Variants in PCDHGB4 observed in about 807,000 individuals in gnomAD.
PCDHGB4 encodes protocadherin gamma-B4.
In PCDHGB4, 38 loss-of-function variants were observed where a neutral mutation model predicts 60.5. That is an observed-to-expected ratio of 0.63 (90% CI 0.48 to 0.82). PCDHGB4 has a LOEUF of 0.82. Ranked by LOEUF, PCDHGB4 falls within the 40% of genes least tolerant of loss-of-function variation. PCDHGB4 has a pLI of 0.00. For missense variants in PCDHGB4, 1,109 were observed against 1,209.6 expected (o/e 0.92, Z 1.23); for synonymous variants, 456 against 509.7 (o/e 0.89, Z 1.42).
intron 1 of PCDHGB4, chr5:141,414,929 C>T (rs2095802879): frequency 6.2e-7 from 1 of 1,614,152 alleles, no homozygotes; most frequent in Non-Finnish European, 8.5e-7. Context: ...GCGCCCCGCT[C>T]CGCAGAGCCC....
chr5:141,414,124 G>C, intron 1 of PCDHGB4: 1 of 1,592,872 alleles, frequency 6.3e-7, no homozygotes, highest in Non-Finnish European at 8.6e-7. Context: ...TGAAGAAACC[G>C]GTTTCTATGA....
Position 141,395,079 on chromosome 5 carries a change from G to A in PCDHGB4, c.2397+4798G>A, listed in dbSNP as rs777930721. On this transcript the variant is annotated intron_variant, in intron 1 of 3. Coordinates refer to ENST00000519479, the MANE Select transcript of PCDHGB4 (RefSeq NM_003736.4). ...GGCTTTCCTGCAGACCTATTCCCAG[G>A]AAGTCTCCCTCACCGCCGACTCGCG... 4.0e-5 allele frequency: 65 copies of A among 1,614,024 alleles called. 1 individual carries two copies. In the Middle Eastern group the frequency reaches 6.6e-4, roughly 16 times the overall value.
intron 1 of PCDHGB4, chr5:141,399,213 T>G (rs2093770836): frequency 6.2e-7 from 1 of 1,613,970 alleles, no homozygotes; most frequent in East Asian, 2.2e-5. Context: ...GAACACTAAT[T>G]GCTTTGATCA....
chr5:141,417,896 C>G, intron 1 of PCDHGB4: 1 of 1,576,868 alleles, frequency 6.3e-7, no homozygotes, highest in Non-Finnish European at 8.6e-7. Flanking sequence ...CCGGGCCGGC[C>G]CGCGGCAGGT....
chr5:141,411,765 T>A (rs796485295), intron 1 of PCDHGB4: 1 of 152,418 alleles, frequency 6.6e-6, no homozygotes, highest in South Asian at 2.1e-4. Context: ...GCCTGTGGTC[T>A]CAGCTACTCT....
rs766431596 is a variant in PCDHGB4 at position 141,422,883 on chromosome 5, C to T, written c.2397+32602C>T. The T allele has an allele frequency of 3.7e-6, 6 of 1,614,124 alleles. No homozygotes were observed. The African/African-American group carries it at 4.0e-5, about 11-fold the overall frequency. Reference sequence around the variant, plus strand: ...GCAGCAACGTGTCGCTGAGCCTGTTCGTGCTGGACCAGAACGACAATGCGC... The same window carrying T: ...GCAGCAACGTGTCGCTGAGCCTGTTTGTGCTGGACCAGAACGACAATGCGC... On this transcript the variant is annotated intron_variant, in intron 1 of 3. Transcript: ENST00000519479.
intron 1 of PCDHGB4, among the ~76,000 whole-genome samples, chr5:141,424,944 A>G (rs958272371): frequency 2.6e-5 from 4 of 152,108 alleles, no homozygotes; most frequent in African/African-American, 9.7e-5. Context: ...CTCTCACATC[A>G]CTTCTAGGTA....
intron 1 of PCDHGB4, chr5:141,409,039 C>G: frequency 1.9e-6 from 3 of 1,614,004 alleles, no homozygotes; most frequent in Non-Finnish European, 1.7e-6. Flanking sequence ...AGATAAACTA[C>G]TACTTCCGAA....
At chr5:141,390,887 T>A (rs547559021) in intron 1 of PCDHGB4, 2,724 of 151,184 alleles carry the variant, frequency 0.018, 30 homozygotes, top group African/African-American at 0.021. Flanking sequence ...TGTGTGTGTG[T>A]GAGAGAGATC....
intron 1 of PCDHGB4, chr5:141,426,599 A>G (rs1171205143): frequency 2.7e-6 from 1 of 377,348 alleles, no homozygotes; most frequent in Non-Finnish European, 5.4e-6. Flanking sequence ...TCATACCCTT[A>G]GAGATTGTAG....
chr5:141,488,815 T>A (rs769851687), intron 1 of PCDHGB4, among the ~76,000 whole-genome samples: 30 of 152,144 alleles, frequency 2.0e-4, no homozygotes, highest in Non-Finnish European at 4.1e-4. Context: ...ATCTGAGCTG[T>A]CAAACTTTGC....
rs765809429 is a variant in PCDHGB4 at position 141,511,205 on chromosome 5, C to A, written c.*32C>A. On this transcript the variant is annotated 3_prime_UTR_variant, in exon 4 of 4. Coordinates refer to ENST00000519479, the MANE Select transcript of PCDHGB4 (RefSeq NM_003736.4). ...GGCCAGGCCAAGAGCCACAGGGCGGCCTCTCCCCAACCAGCCCAGCTTCTC... is the reference window on the plus strand; with the variant it reads ...GGCCAGGCCAAGAGCCACAGGGCGGACTCTCCCCAACCAGCCCAGCTTCTC... 4.3e-6 allele frequency: 7 copies of A among 1,611,426 alleles called. No homozygotes were observed. The Admixed American group carries it at 6.7e-5, about 15-fold the overall frequency.
At position 141,477,272 on chromosome 5, in the gene PCDHGB4, C is replaced by G. The variant is rs2099408579; in HGVS notation, c.2398-17535C>G. The G allele has an allele frequency of 1.2e-6, 2 of 1,614,090 alleles. No homozygotes were observed. The highest frequency in any genetic ancestry group is 1.7e-6 in the Non-Finnish European group (2 of 1,180,048). Reference sequence around the variant, plus strand: ...TGACCTGGATGCTGGCGAGAACGGGCTGGTGACCTGCGAAGTTCCACCGGG... The same window carrying G: ...TGACCTGGATGCTGGCGAGAACGGGGTGGTGACCTGCGAAGTTCCACCGGG... On this transcript the variant is annotated intron_variant, in intron 1 of 3. Coordinates refer to ENST00000519479, the MANE Select transcript of PCDHGB4 (RefSeq NM_003736.4). This position sits in a 1 kb window ranked among gnomAD's most constrained non-coding sequence, Gnocchi z 4.9.
At chr5:141,462,584 A>C (rs959398950) in intron 1 of PCDHGB4, among the ~76,000 whole-genome samples, 1 of 152,124 alleles carries the variant, frequency 6.6e-6, no homozygotes, top group African/African-American at 2.4e-5. Context: ...CATCCAGTGA[A>C]GTTTCCATTT....
At chr5:141,426,445 A>T (rs2096937062) in intron 1 of PCDHGB4, 1 of 310,256 alleles carries the variant, frequency 3.2e-6, no homozygotes, top group East Asian at 8.0e-5. Context: ...TGCGGAGGAC[A>T]TGCGGCTGCA....
rs1393235114 is a variant in PCDHGB4, at chr5:141,476,581, G to T, written c.2398-18226G>T. ...CCGTGGCTCCGGGGACGCGCTTTCC[G>T]CTCGAGAGCGCGCACGATCCCGATG... On this transcript the variant is annotated intron_variant, in intron 1 of 3. Transcript: ENST00000519479. This position sits in a 1 kb window ranked among gnomAD's most constrained non-coding sequence, Gnocchi z 7.6. 8.7e-6 allele frequency: 14 copies of T among 1,614,112 alleles called. No homozygotes were observed. The Admixed American group carries it at 2.2e-4, about 25-fold the overall frequency.
At chr5:141,478,708 A>G (rs1394463788) in intron 1 of PCDHGB4, 31 of 1,548,072 alleles carry the variant, frequency 2.0e-5, no homozygotes, top group Non-Finnish European at 2.5e-5. Context: ...TGCCTTTGTG[A>G]GATGGTGGCC....
chr5:141,412,050 A>G (rs1465943762), intron 1 of PCDHGB4: 1 of 152,222 alleles, frequency 6.6e-6, no homozygotes, highest in African/African-American at 2.4e-5. Flanking sequence ...GTGAACTTCT[A>G]TACCCTTTGC....
chr5:141,397,573 T>C (rs1196804839), intron 1 of PCDHGB4, among the ~76,000 whole-genome samples: 1 of 152,212 alleles, frequency 6.6e-6, no homozygotes, highest in African/African-American at 2.4e-5. Flanking sequence ...GAGCAAGAAC[T>C]GTATCATATT....
Sources: gnomAD v4.1 joint callset for allele counts (sites outside exome capture counted in the v4.1 genomes callset) on GRCh38, gnomAD v4.1.1 for gene constraint, Gnocchi (gnomAD v3.1) non-coding constraint, MANE v1.5 for transcripts, NCBI Gene and HGNC (gene_info 2026-07-23, HGNC 2026-07-21) for gene names.